Variants in SYNDIG1L observed in about 807,000 individuals in gnomAD.
The protein encoded by SYNDIG1L is synapse differentiation-inducing gene protein 1-like.
SYNDIG1L carries 13 observed loss-of-function variants against 20.1 expected under a neutral mutation model. That is an observed-to-expected ratio of 0.65 (90% CI 0.42 to 1.03). The LOEUF (loss-of-function observed/expected upper bound fraction) is 1.03, where lower values mean the gene tolerates loss of function less well. SYNDIG1L is among the 50% of genes least tolerant of loss of function. SYNDIG1L has a pLI of 0.00. For missense variants in SYNDIG1L, 294 were observed against 305.1 expected, an observed-to-expected ratio of 0.96 and a Z score of 0.27; for synonymous variants, 128 against 129.3, an observed-to-expected ratio of 0.99 and a Z score of 0.07.
At chr14:74,454,186 A>G in the SYNDIG1L span, among the ~76,000 whole-genome samples, 1 of 152,228 alleles carries the variant, frequency 6.6e-6, no homozygotes, top group South Asian at 2.1e-4. Context: ...TGTTTTCCAA[A>G]TTTCAGTTGC....
intron 1 of SYNDIG1L, among the ~76,000 whole-genome samples, chr14:74,417,767 G>GGTGT (rs2086188287): frequency 6.6e-6 from 1 of 152,178 alleles, no homozygotes; most frequent in African/African-American, 2.4e-5. Context: ...ATATGTGGTA[G>GGTGT]GCGTGAGAGT....
At chr14:74,473,191 G>A in the SYNDIG1L span, among the ~76,000 whole-genome samples, 1 of 152,032 alleles carries the variant, frequency 6.6e-6, no homozygotes. Flanking sequence ...TTTAAGACTA[G>A]CCTGGCCAAT....
the SYNDIG1L span, among the ~76,000 whole-genome samples, chr14:74,452,386 T>C: frequency 1.3e-5 from 2 of 152,104 alleles, no homozygotes; most frequent in African/African-American, 4.8e-5. Flanking sequence ...TAGGAGATGA[T>C]TGAATTATTG....
At chr14:74,471,336 A>G in the SYNDIG1L span, among the ~76,000 whole-genome samples, 14 of 152,190 alleles carry the variant, frequency 9.2e-5, no homozygotes, top group Admixed American at 7.2e-4. Flanking sequence ...GGTGGCTTAT[A>G]CCTGTAATAC....
At position 74,407,269 on chromosome 14, in the gene SYNDIG1L, G is replaced by A. The variant is rs915371680; in HGVS notation, c.*266C>T. On this transcript the variant is annotated 3_prime_UTR_variant, in exon 4 of 4. Transcript: ENST00000331628. ...GGATGGAGCTAGGCCCTGCTGGGAT[G>A]GCCTGGTGGGCAGCCCTGCCTTCTG... is the stretch of plus-strand genomic sequence containing the variant. The A allele has an allele frequency of 5.3e-5, 29 of 550,226 alleles. No homozygotes were observed. Among genetic ancestry groups the A allele is most frequent in the South Asian group, 4.7e-4 (23 of 49,038 alleles). The allele number at this position is 550,226 out of a possible 1,614,324, so 34.1% of individuals were successfully genotyped here. A position where few individuals can be genotyped will look rare whatever the true frequency, so the allele number is the denominator to read the frequency against.
chr14:74,409,425 C>T lies in SYNDIG1L; in HGVS notation c.320G>A (p.Gly107Glu). The T allele has an allele frequency of 6.2e-7, 1 of 1,613,826 alleles. No individual in the cohort carries two copies. The highest frequency in any genetic ancestry group is 2.2e-5 in the East Asian group (1 of 44,864). ...GACATTCTCTGCAGCTTGGCCAGGT[C>T]CTGTGGGCTGCTCTGGAGGCCCCTC... is the stretch of plus-strand genomic sequence containing the variant. ...PQEGPPEQPT[G>E]PGQAAENVTI... The change falls in exon 2 of 4, where the codon GGA becomes GAA. Residue 107 changes from glycine (G) to glutamate (E), a missense_variant. Transcript: ENST00000331628.
chr14:74,422,653 T>TCACACACACACACACACACACACACA (rs34711949), intron 1 of SYNDIG1L, among the ~76,000 whole-genome samples: 2 of 140,394 alleles, frequency 1.4e-5, no homozygotes, highest in African/African-American at 2.7e-5. Context: ...ATCTCTCTCT[T>TCACACACACACACACACACACACACA]CACACACACA....
At chr14:74,439,834 G>C in the SYNDIG1L span, among the ~76,000 whole-genome samples, 1 of 149,794 alleles carries the variant, frequency 6.7e-6, no homozygotes, top group African/African-American at 2.5e-5. Flanking sequence ...AGCCAAGATC[G>C]TGCCATTACA....
chr14:74,407,536 T>C lies in SYNDIG1L; in HGVS notation c.716A>G (p.Ter239TrpextTer1). ...TCAGGATGCAGGCCCTACTGGCTAC[T>C]AGCCATGACCGTTCTGGGACATGTA... The part of the protein sequence containing the change: ...AAYMSQNGHG[*>W] Residue 239 changes from the stop codon to tryptophan, a stop_lost, in exon 4 of 4, where the codon TAG becomes TGG. Transcript: ENST00000331628. The C allele has an allele frequency of 6.2e-7, 1 of 1,613,664 alleles. No individual in the cohort carries two copies. Among genetic ancestry groups the C allele is most frequent in the South Asian group, 1.1e-5 (1 of 91,076 alleles).
chr14:74,456,327 T>C, the SYNDIG1L span, among the ~76,000 whole-genome samples: 2 of 152,144 alleles, frequency 1.3e-5, no homozygotes, highest in African/African-American at 4.8e-5. Context: ...GTCAGGAGTT[T>C]GAGACCAGCC....
the SYNDIG1L span, among the ~76,000 whole-genome samples, chr14:74,466,903 C>T: frequency 6.6e-6 from 1 of 152,234 alleles, no homozygotes; most frequent in Non-Finnish European, 1.5e-5. Context: ...CCAGAATTAA[C>T]ACAAGTTTTC....
chr14:74,445,250 C>G, the SYNDIG1L span, among the ~76,000 whole-genome samples: 1 of 152,166 alleles, frequency 6.6e-6, no homozygotes, highest in Non-Finnish European at 1.5e-5. Context: ...TCACCAGAAG[C>G]AGATGCCAGC....
At chr14:74,463,208 C>T in the SYNDIG1L span, among the ~76,000 whole-genome samples, 1 of 152,190 alleles carries the variant, frequency 6.6e-6, no homozygotes, top group Non-Finnish European at 1.5e-5. Context: ...TTCCCTGCAA[C>T]ACTCCACATT....
chr14:74,479,952 G>C, the SYNDIG1L span: 2 of 1,291,692 alleles, frequency 1.5e-6, no homozygotes, highest in Non-Finnish European at 9.9e-7. Context: ...CAGAAGACAA[G>C]ACAAACGAGT....
the SYNDIG1L span, among the ~76,000 whole-genome samples, chr14:74,477,043 CACACACACACACACACACACACACA>C: frequency 1.3e-4 from 3 of 22,556 alleles, no homozygotes; most frequent in Non-Finnish European, 2.7e-4. Flanking sequence ...ATTCCCAACA[CACACACACACACACACACACACACA>C]CACACACACA....
At chr14:74,438,982 C>T in the SYNDIG1L span, among the ~76,000 whole-genome samples, 2 of 152,110 alleles carry the variant, frequency 1.3e-5, no homozygotes. Flanking sequence ...GGCGTGGTGG[C>T]ACGTGCCTGT....
chr14:74,426,814 G>A (rs1170408908), upstream of SYNDIG1L, among the ~76,000 whole-genome samples: 2 of 147,414 alleles, frequency 1.4e-5, no homozygotes, highest in Admixed American at 1.4e-4. Context: ...ATTCAGTGCT[G>A]TGCTGGGAAG....
chr14:74,460,761 A>G, the SYNDIG1L span, among the ~76,000 whole-genome samples: 7 of 152,108 alleles, frequency 4.6e-5, no homozygotes, highest in East Asian at 1.4e-3. Flanking sequence ...TCAGCCTCCC[A>G]TGTATTAATA....
chr14:74,408,557 C>T (rs2086103877), intron 2 of SYNDIG1L, among the ~76,000 whole-genome samples: 1 of 144,990 alleles, frequency 6.9e-6, no homozygotes, highest in Non-Finnish European at 1.5e-5. Context: ...GAGCGAGACT[C>T]CATCTCAAAA....
Sources: allele counts gnomAD v4.1 joint callset (sites outside exome capture counted in the v4.1 genomes callset), GRCh38; gene constraint gnomAD v4.1.1; transcripts MANE v1.5; gene names NCBI Gene and HGNC (gene_info 2026-07-23, HGNC 2026-07-21).